ANGPT4: variants seen among roughly 807,000 people sequenced by gnomAD.
The protein encoded by ANGPT4 is angiopoietin-4.
Under a neutral mutation model 53.0 loss-of-function variants are expected in ANGPT4, and 50 were observed. That is an observed-to-expected ratio of 0.94 (90% CI 0.75 to 1.20). The LOEUF (loss-of-function observed/expected upper bound fraction) is 1.20, where lower values mean the gene tolerates loss of function less well. Ranked by LOEUF, ANGPT4 falls within the 50% of genes most tolerant of loss-of-function variation. ANGPT4 has a pLI of 0.00. For missense variants in ANGPT4, 648 were observed against 637.1 expected, an observed-to-expected ratio of 1.02 and a Z score of -0.18; for synonymous variants, 251 against 259.7, an observed-to-expected ratio of 0.97 and a Z score of 0.32.
chr20:882,332 C>T (rs1333578862), intron 4 of ANGPT4, among the ~76,000 whole-genome samples: 1 of 152,162 alleles, frequency 6.6e-6, no homozygotes, highest in Non-Finnish European at 1.5e-5. Context: ...TACCAGAATC[C>T]AATCTCTCTG....
chr20:884,331 C>G (rs1981524016), intron 4 of ANGPT4, among the ~76,000 whole-genome samples: 1 of 152,234 alleles, frequency 6.6e-6, no homozygotes, highest in Non-Finnish European at 1.5e-5. Context: ...TTCTCCTTCC[C>G]TTTGGGACCC....
chr20:890,806 G>A (rs903765023), intron 1 of ANGPT4, among the ~76,000 whole-genome samples: 1 of 152,094 alleles, frequency 6.6e-6, no homozygotes, highest in African/African-American at 2.4e-5. Flanking sequence ...CAATCCCGAT[G>A]CAATGGCTCC....
chr20:914,356 A>G lies in ANGPT4; in HGVS notation c.309+1550T>C, dbSNP rs1314893653. On this transcript the variant is annotated intron_variant, in intron 1 of 8. Coordinates refer to ENST00000381922, the MANE Select transcript of ANGPT4 (RefSeq NM_015985.4). This position sits in a 1 kb window ranked among gnomAD's most constrained non-coding sequence, Gnocchi z 5.0. ...GAGGACAAGGAGGGCCTCTGGGGAGATGGCGCTGGAGAGGATAGGAGGCTG... is the reference window on the plus strand; with the variant it reads ...GAGGACAAGGAGGGCCTCTGGGGAGGTGGCGCTGGAGAGGATAGGAGGCTG... Among the ~76,000 whole-genome samples the G allele has an allele frequency of 1.3e-5, 2 of 152,000 alleles. No individual in the cohort carries two copies. Among genetic ancestry groups the G allele is most frequent in the African/African-American group, 4.8e-5 (2 of 41,374 alleles).
intron 1 of ANGPT4, among the ~76,000 whole-genome samples, chr20:899,348 T>G (rs561934690): frequency 6.6e-6 from 1 of 151,850 alleles, no homozygotes; most frequent in Non-Finnish European, 1.5e-5. Context: ...CCCAGGTTCA[T>G]GCCATTCTCC....
intron 1 of ANGPT4, 79 bp from the exon 2 acceptor site, chr20:890,447 G>A: frequency 7.2e-7 from 1 of 1,397,418 alleles, no homozygotes; most frequent in African/African-American, 1.4e-5. Context: ...ACCATGGGAG[G>A]GCACTGAGCA....
intron 1 of ANGPT4, among the ~76,000 whole-genome samples, chr20:907,915 C>T (rs754727773): frequency 6.6e-6 from 1 of 152,234 alleles, no homozygotes; most frequent in Non-Finnish European, 1.5e-5. Flanking sequence ...ATTGGATCCC[C>T]AGCAGCCTGG....
chr20:897,125 G>A (rs571830437), intron 1 of ANGPT4, among the ~76,000 whole-genome samples: 1 of 151,946 alleles, frequency 6.6e-6, no homozygotes, highest in Non-Finnish European at 1.5e-5. Flanking sequence ...CTATAAAACT[G>A]CCCACCCCAT....
Position 890,398 on chromosome 20 carries a change from G to T in ANGPT4, c.310-30C>A, listed in dbSNP as rs1981792992. The T allele has an allele frequency of 3.8e-6, 6 of 1,585,192 alleles. No individual in the cohort carries two copies. In the African/African-American group the frequency reaches 5.4e-5, roughly 14 times the overall value. On this transcript the variant is annotated intron_variant, in intron 1 of 8. Transcript: ENST00000381922. ...GGGAGACCATGGGCTGGGGTCACGG[G>T]GGAGGGGCGGGGGAAGCCCCCTGTC...
intron 1 of ANGPT4, among the ~76,000 whole-genome samples, chr20:907,494 ACACTTGAAAGT>A (rs1982519222): frequency 6.6e-6 from 1 of 152,182 alleles, no homozygotes; most frequent in African/African-American, 2.4e-5. Context: ...CACCTCCCTG[ACACTTGAAAGT>A]CACAGAATGG....
At chr20:903,398 C>T (rs1982359328) in intron 1 of ANGPT4, among the ~76,000 whole-genome samples, 1 of 152,280 alleles carries the variant, frequency 6.6e-6, no homozygotes, top group African/African-American at 2.4e-5. Context: ...CCCAACCTTG[C>T]CACTTCCACC....
At chr20:876,188 A>G (rs1356279756) in intron 7 of ANGPT4, among the ~76,000 whole-genome samples, 1 of 150,078 alleles carries the variant, frequency 6.7e-6, no homozygotes, top group African/African-American at 2.5e-5. Context: ...GGGTGGAGGC[A>G]AGTGGGTGGC....
chr20:895,829 G>T (rs2122825532), intron 1 of ANGPT4, among the ~76,000 whole-genome samples: 1 of 152,082 alleles, frequency 6.6e-6, no homozygotes, highest in South Asian at 2.1e-4. Flanking sequence ...CCATACTGTA[G>T]GAGTCTATTT....
rs1304382859 is a variant in ANGPT4 at position 914,777 on chromosome 20, C to T, written c.309+1129G>A. On this transcript the variant is annotated intron_variant, in intron 1 of 8. Transcript: ENST00000381922. The surrounding 1 kb of genome is among the most constrained non-coding windows in gnomAD (Gnocchi z 5.0). ...AGACCCCCCAGGATGTCTCCTGTACCCTCATGCCCCGCCAGGGCCAAGCCT... is the reference window on the plus strand; with the variant it reads ...AGACCCCCCAGGATGTCTCCTGTACTCTCATGCCCCGCCAGGGCCAAGCCT... Among the ~76,000 whole-genome samples, 4 of 152,234 alleles carry T rather than the reference C, an allele frequency of 2.6e-5. No individual in the cohort carries two copies. The highest frequency in any genetic ancestry group is 2.0e-4 in the Admixed American group (3 of 15,296).
At position 915,932 on chromosome 20, in the gene ANGPT4, G is replaced by T; in HGVS notation, c.283C>A (p.Gln95Lys). The change falls in exon 1 of 9, where the codon CAG becomes AAG. Residue 95 changes from glutamine (Q) to lysine (K), a missense_variant. Physicochemically the swap from Gln to Lys is moderately conservative, Grantham distance 53 (BLOSUM62 1). Coordinates refer to ENST00000381922, the MANE Select transcript of ANGPT4 (RefSeq NM_015985.4). ...QQVKQLEQAL[Q>K]NNTQWLKKLE... ...TTCTTCAGCCACTGCGTGTTGTTCT[G>T]CAGTGCCTGCTCCAGCTGTTTCACC... is the stretch of plus-strand genomic sequence containing the variant. 6.3e-7 allele frequency: 1 copy of T among 1,596,678 alleles called. No individual in the cohort carries two copies. The highest frequency in any genetic ancestry group is 8.6e-7 in the Non-Finnish European group (1 of 1,169,332).
intron 1 of ANGPT4, among the ~76,000 whole-genome samples, chr20:912,799 G>A (rs1042276790): frequency 2.0e-5 from 3 of 151,896 alleles, no homozygotes; most frequent in African/African-American, 7.3e-5. Flanking sequence ...CTGGGGACTT[G>A]GAAACTCTGC....
chr20:887,409 T>C (rs916370033), intron 3 of ANGPT4, among the ~76,000 whole-genome samples: 13 of 152,198 alleles, frequency 8.5e-5, no homozygotes, highest in African/African-American at 2.9e-4. Context: ...TTGTCATTAA[T>C]TGCACCCAGA....
intron 4 of ANGPT4, among the ~76,000 whole-genome samples, 193 bp downstream of exon 4, chr20:884,885 G>A (rs1246292361): frequency 6.6e-6 from 1 of 152,194 alleles, no homozygotes; most frequent in African/African-American, 2.4e-5. Context: ...TGGAATCAGG[G>A]GACAGGGCCT....
In ANGPT4 at chr20:909,423, T is replaced by C. The variant is rs78454793; in HGVS notation, c.309+6483A>G. Among the ~76,000 whole-genome samples the C allele has an allele frequency of 4.8e-3, 731 of 152,284 alleles. 36 individuals carry two copies. In the East Asian group the frequency reaches 0.11, roughly 23 times the overall value. On this transcript the variant is annotated intron_variant, in intron 1 of 8. Transcript: ENST00000381922. ...ACCTCAATTTTATAGATTGAAAAAC[T>C]GAAGCTCAGGTCTTTCTCATAGTTA... is the stretch of plus-strand genomic sequence containing the variant.
intron 5 of ANGPT4, 70 bp downstream of exon 5, chr20:881,101 G>C (rs41282974): frequency 1.3e-5 from 16 of 1,241,384 alleles, no homozygotes; most frequent in Middle Eastern, 2.1e-4. Context: ...GATGGGGTGC[G>C]GGGTGTCTGT....
Sources: allele counts gnomAD v4.1 joint callset (sites outside exome capture counted in the v4.1 genomes callset), GRCh38; gene constraint gnomAD v4.1.1; non-coding constraint Gnocchi (gnomAD v3.1); transcripts MANE v1.5; gene names NCBI Gene and HGNC (gene_info 2026-07-23, HGNC 2026-07-21).